The following PRKN variants were observed in gnomAD, a reference collection of about 807,000 sequenced individuals.
The protein encoded by PRKN is parkin RBR E3 ubiquitin protein ligase.
Under a neutral mutation model 59.5 loss-of-function variants are expected in PRKN, and 56 were observed. That is an observed-to-expected ratio of 0.94 (90% CI 0.76 to 1.18). The LOEUF (loss-of-function observed/expected upper bound fraction) is 1.18. Ranked by LOEUF, PRKN falls within the 50% of genes most tolerant of loss-of-function variation. PRKN has a pLI of 0.00. For missense variants in PRKN, 657 were observed against 596.4 expected (o/e 1.10, Z -1.06); for synonymous variants, 250 against 222.1 (o/e 1.13, Z -1.12).
At chr6:162,219,934 A>G (rs1777860295) in intron 3 of PRKN, among the ~76,000 whole-genome samples, 2 of 152,244 alleles carry the variant, frequency 1.3e-5, no homozygotes, top group South Asian at 4.1e-4. Flanking sequence ...ACAGTGCTCA[A>G]CACCTTTATA....
At chr6:162,203,208 A>C (rs181268641) in intron 3 of PRKN, among the ~76,000 whole-genome samples, 1 of 152,324 alleles carries the variant, frequency 6.6e-6, no homozygotes, top group East Asian at 1.9e-4. Context: ...CTGAAAGCTA[A>C]GGAACTTTTC....
In PRKN at chr6:161,784,755, G is replaced by A. The variant is rs1331609807; in HGVS notation, c.871+1017C>T. Among the ~76,000 whole-genome samples the A allele has an allele frequency of 2.6e-5, 4 of 152,122 alleles. No homozygotes were observed. The East Asian group carries it at 7.7e-4, about 29-fold the overall frequency. Reference sequence around the variant, plus strand: ...GTTAAACTTCGAATTCTGCTTCTCGGTATATATCCAAGGTAAATGAAAGCA... The same window carrying A: ...GTTAAACTTCGAATTCTGCTTCTCGATATATATCCAAGGTAAATGAAAGCA... On this transcript the variant is annotated intron_variant, in intron 7 of 11. Coordinates refer to ENST00000366898, the MANE Select transcript of PRKN (RefSeq NM_004562.3).
intron 7 of PRKN, among the ~76,000 whole-genome samples, chr6:161,747,082 G>A (rs1788464324): frequency 6.6e-6 from 1 of 152,104 alleles, no homozygotes; most frequent in Non-Finnish European, 1.5e-5. Flanking sequence ...GGTCTGTAAA[G>A]CACTGGCAGA....
intron 7 of PRKN, among the ~76,000 whole-genome samples, chr6:161,775,585 T>C (rs1215947293): frequency 1.3e-5 from 2 of 152,232 alleles, no homozygotes; most frequent in African/African-American, 4.8e-5. Context: ...ATTTTTAATA[T>C]GCGTGTTGGC....
intron 1 of PRKN, among the ~76,000 whole-genome samples, chr6:162,518,282 C>T (rs1258898094): frequency 6.6e-6 from 1 of 152,138 alleles, no homozygotes; most frequent in Non-Finnish European, 1.5e-5. Context: ...TCTATATACA[C>T]ACACAGACAT....
intron 7 of PRKN, among the ~76,000 whole-genome samples, chr6:161,595,170 C>T (rs1199510987): frequency 1.3e-5 from 2 of 152,120 alleles, no homozygotes; most frequent in African/African-American, 4.8e-5. Flanking sequence ...TCAGATAAAA[C>T]AGCACAAATT....
intron 3 of PRKN, among the ~76,000 whole-genome samples, chr6:162,222,401 T>C (rs1484575711): frequency 6.6e-6 from 1 of 152,154 alleles, no homozygotes; most frequent in Non-Finnish European, 1.5e-5. Context: ...GATACGGAGA[T>C]AGAGCTTCCG....
intron 9 of PRKN, among the ~76,000 whole-genome samples, chr6:161,427,863 A>G (rs1353385078): frequency 6.6e-6 from 1 of 152,126 alleles, no homozygotes; most frequent in Admixed American, 6.5e-5. Context: ...AGCGATTTGC[A>G]CTGGCTTCTC....
chr6:161,728,647 A>C (rs527900173), intron 7 of PRKN, among the ~76,000 whole-genome samples: 4 of 152,184 alleles, frequency 2.6e-5, no homozygotes, highest in Non-Finnish European at 5.9e-5. Context: ...GTGTGTATTT[A>C]TTTATCTTCT....
At chr6:162,361,246 G>C (rs966950432) in intron 2 of PRKN, among the ~76,000 whole-genome samples, 3 of 152,088 alleles carry the variant, frequency 2.0e-5, no homozygotes, top group Non-Finnish European at 4.4e-5. Flanking sequence ...GAGAGAGAAA[G>C]GGTTATGGAC....
At position 161,913,170 on chromosome 6, in the gene PRKN, GAAAAAA is replaced by G. The variant is rs762633376; in HGVS notation, c.734+60126_734+60131del. Among the ~76,000 whole-genome samples, 216 of 86,608 alleles carry G rather than the reference GAAAAAA, an allele frequency of 2.5e-3. 1 individual carries two copies. The Middle Eastern group carries it at 0.027, about 11-fold the overall frequency. 56.8% of individuals were successfully genotyped at this position (86,608 alleles called of 152,430 possible). A position where few individuals can be genotyped will look rare whatever the true frequency, so the allele number is the denominator to read the frequency against. ...CAACACGAGCAAAACTCCATCTCAG[GAAAAAA>G]AAAAAAAAAAAAAAGACATGGGATA... is the stretch of plus-strand genomic sequence containing the variant. On this transcript the variant is annotated intron_variant, in intron 6 of 11. Transcript: ENST00000366898.
At chr6:161,942,218 T>G (rs975863165) in intron 6 of PRKN, among the ~76,000 whole-genome samples, 1 of 152,060 alleles carries the variant, frequency 6.6e-6, no homozygotes, top group African/African-American at 2.4e-5. Flanking sequence ...AACAACTCAT[T>G]GGAACTAAAG....
rs1790751469 is a variant in PRKN, at chr6:161,470,721, A to G, written c.1083+78133T>C. Among the ~76,000 whole-genome samples, 3 of 152,176 alleles carry G rather than the reference A, an allele frequency of 2.0e-5. No homozygotes were observed. Among genetic ancestry groups the G allele is most frequent in the African/African-American group, 2.4e-5 (1 of 41,442 alleles). On this transcript the variant is annotated intron_variant, in intron 9 of 11. Coordinates refer to ENST00000366898, the MANE Select transcript of PRKN (RefSeq NM_004562.3). The surrounding 1 kb of genome is among the most constrained non-coding windows in gnomAD (Gnocchi z 5.1). ...GGCTTGATTCAGGGCTTGTGTAGGC[A>G]GCTTCCTCCCATCTGTCCTTCTGAG...
intron 9 of PRKN, among the ~76,000 whole-genome samples, chr6:161,465,471 C>A (rs1264518840): frequency 6.8e-6 from 1 of 147,702 alleles, no homozygotes; most frequent in Admixed American, 6.8e-5. Flanking sequence ...GGGGGCCTTT[C>A]TTTTGGGGAT....
At position 162,437,984 on chromosome 6, in the gene PRKN, T is replaced by A. The variant is rs550824481; in HGVS notation, c.171+5326A>T. 1.6e-4 allele frequency among the ~76,000 whole-genome samples: 25 copies of A among 152,352 alleles called. No homozygotes were observed. The East Asian group carries it at 4.6e-3, about 28-fold the overall frequency. On this transcript the variant is annotated intron_variant, in intron 2 of 11. Coordinates refer to ENST00000366898, the MANE Select transcript of PRKN (RefSeq NM_004562.3). ...GTCATCTGGTAAATACATATGTCAT[T>A]TTTTATGAAACTGCTATATTCTTTT... is the stretch of plus-strand genomic sequence containing the variant.
chr6:161,921,772 C>T (rs1053889697), intron 6 of PRKN, among the ~76,000 whole-genome samples: 1 of 152,174 alleles, frequency 6.6e-6, no homozygotes, highest in Non-Finnish European at 1.5e-5. Flanking sequence ...GTGAAGTTCA[C>T]TAACTTGCCA....
At chr6:161,679,521 C>T (rs1465537558) in intron 7 of PRKN, among the ~76,000 whole-genome samples, 1 of 148,944 alleles carries the variant, frequency 6.7e-6, no homozygotes, top group African/African-American at 2.5e-5. Context: ...GTACTTCCCG[C>T]TTGGGCTCTT....
chr6:161,563,819 T>C (rs1352413455), intron 8 of PRKN, among the ~76,000 whole-genome samples: 1 of 152,234 alleles, frequency 6.6e-6, no homozygotes, highest in African/African-American at 2.4e-5. Context: ...GTAGGTTTTA[T>C]CAACTCACTT....
chr6:161,796,608 C>G (rs1790860421), intron 6 of PRKN, among the ~76,000 whole-genome samples: 1 of 152,186 alleles, frequency 6.6e-6, no homozygotes, highest in Admixed American at 6.5e-5. Context: ...TATCACGATA[C>G]TTTCCTATCC....
Sources: allele counts gnomAD v4.1 joint callset (sites outside exome capture counted in the v4.1 genomes callset), GRCh38; gene constraint gnomAD v4.1.1; non-coding constraint Gnocchi (gnomAD v3.1); transcripts MANE v1.5; gene names NCBI Gene and HGNC (gene_info 2026-07-23, HGNC 2026-07-21).